The following SUPT3H variants were observed in gnomAD, a reference collection of about 807,000 sequenced individuals.
SUPT3H encodes the protein SPT3 homolog, SAGA and STAGA complex component, also known as transcription initiation protein SPT3 homolog.
Under a neutral mutation model 44.3 loss-of-function variants are expected in SUPT3H, and 44 were observed. The ratio of observed to expected loss-of-function variants is 0.99; its 90% CI spans 0.78 to 1.28. The LOEUF (loss-of-function observed/expected upper bound fraction) is 1.28. Ranked by LOEUF, SUPT3H falls within the 50% of genes most tolerant of loss-of-function variation. The pLI is 0.00. For missense variants in SUPT3H, 380 were observed against 387.1 expected (o/e 0.98, Z 0.15); for synonymous variants, 124 against 125.6 (o/e 0.99, Z 0.09).
At chr6:45,191,398 C>T (rs1425680720) in intron 2 of SUPT3H, among the ~76,000 whole-genome samples, 1 of 151,858 alleles carries the variant, frequency 6.6e-6, no homozygotes, top group Non-Finnish European at 1.5e-5. Context: ...TCAGTGTTTG[C>T]CAGAAATTCA....
chr6:45,217,758 C>T (rs563339147), intron 2 of SUPT3H, among the ~76,000 whole-genome samples: 1 of 151,774 alleles, frequency 6.6e-6, no homozygotes, highest in Admixed American at 6.6e-5. Flanking sequence ...GGCGTGGTGA[C>T]GTGTGCCTGT....
At chr6:44,995,518 G>A (rs1195965022) in intron 6 of SUPT3H, among the ~76,000 whole-genome samples, 1 of 152,030 alleles carries the variant, frequency 6.6e-6, no homozygotes, top group Non-Finnish European at 1.5e-5. Flanking sequence ...CACTTTACGA[G>A]TTTCTAACTG....
intron 6 of SUPT3H, among the ~76,000 whole-genome samples, chr6:44,984,905 G>A (rs1360196): frequency 0.34 from 51,701 of 151,834 alleles, 9,859 homozygotes; most frequent in East Asian, 0.55. Flanking sequence ...ATCAGGTAGA[G>A]GTGCCAAATT....
At chr6:44,889,556 C>T (rs1490898212) in intron 10 of SUPT3H, among the ~76,000 whole-genome samples, 1 of 152,130 alleles carries the variant, frequency 6.6e-6, no homozygotes, top group Non-Finnish European at 1.5e-5. Flanking sequence ...ACTGGCTAGC[C>T]ACATGTAGAA....
At chr6:45,145,912 A>G (rs1805981860) in intron 2 of SUPT3H, among the ~76,000 whole-genome samples, 1 of 152,202 alleles carries the variant, frequency 6.6e-6, no homozygotes, top group Admixed American at 6.5e-5. Context: ...AACATATGAA[A>G]AAATGCTCAA....
At position 45,265,350 on chromosome 6, in the gene SUPT3H, AGTT is replaced by A. The variant is rs1336524896; in HGVS notation, c.101+99848_101+99850del. ...GTATATTTCATTCTTAGTTTTTCTA[AGTT>A]GTTGACAGATGGAGAATGTTTAACT... On this transcript the variant is annotated intron_variant, in intron 2 of 10. Transcript: ENST00000371459. 2.0e-5 allele frequency among the ~76,000 whole-genome samples: 3 copies of A among 152,132 alleles called. No individual in the cohort carries two copies. In the East Asian group the frequency reaches 5.8e-4, roughly 29 times the overall value.
chr6:45,255,837 T>A (rs1244230939), intron 2 of SUPT3H, among the ~76,000 whole-genome samples: 1 of 152,172 alleles, frequency 6.6e-6, no homozygotes, highest in African/African-American at 2.4e-5. Flanking sequence ...TGTGCAACTA[T>A]CACCACAGTC....
chr6:45,148,967 G>T (rs1454279529), intron 2 of SUPT3H, among the ~76,000 whole-genome samples: 1 of 152,124 alleles, frequency 6.6e-6, no homozygotes, highest in Non-Finnish European at 1.5e-5. Flanking sequence ...GCCCAGGCTT[G>T]TAAGTTACAG....
In SUPT3H at chr6:44,953,367, C is replaced by T. The variant is rs762559344; in HGVS notation, c.744G>A (p.Gly248=). ...LVRQDMVTKA[G]DPFSHAISAT... is the part of the protein sequence containing the mutation. The stretch of plus-strand genomic sequence containing the variant: ...CAGAAATGGCATGGCTGAAGGGGTC[C>T]CCTGCCTTGGTTACCATGTCTTGCC... The change falls in exon 9 of 11, where the codon GGG becomes GGA. Residue 248 remains glycine, a synonymous_variant. Transcript: ENST00000371459. 3 of 1,613,966 alleles carry T rather than the reference C, an allele frequency of 1.9e-6. No homozygotes were observed. The highest frequency in any genetic ancestry group is 1.3e-5 in the African/African-American group (1 of 74,994).
chr6:44,882,148 AAAG>A (rs763667034), intron 10 of SUPT3H, among the ~76,000 whole-genome samples: 17 of 152,332 alleles, frequency 1.1e-4, no homozygotes, highest in Non-Finnish European at 2.2e-4. Context: ...CAAGACTAAT[AAAG>A]AATAAAAGAC....
intron 3 of SUPT3H, among the ~76,000 whole-genome samples, chr6:45,041,385 G>C (rs894906543): frequency 3.3e-5 from 5 of 152,128 alleles, no homozygotes; most frequent in Admixed American, 3.3e-4. Context: ...GAGAGTGGTG[G>C]TGAGTAGCTA....
At chr6:44,966,419 A>C (rs1242071200) in intron 6 of SUPT3H, among the ~76,000 whole-genome samples, 2 of 150,280 alleles carry the variant, frequency 1.3e-5, no homozygotes, top group Non-Finnish European at 3.0e-5. Context: ...TAAAATATTT[A>C]TATTTATTTA....
At chr6:45,262,560 A>G (rs954268469) in intron 2 of SUPT3H, among the ~76,000 whole-genome samples, 1 of 152,132 alleles carries the variant, frequency 6.6e-6, no homozygotes, top group Non-Finnish European at 1.5e-5. Flanking sequence ...CAAAAACTCT[A>G]GAAGAAAACC....
At chr6:44,985,481 A>G (rs1380679967) in intron 6 of SUPT3H, among the ~76,000 whole-genome samples, 1 of 152,080 alleles carries the variant, frequency 6.6e-6, no homozygotes, top group Non-Finnish European at 1.5e-5. Flanking sequence ...ACAACATCCT[A>G]AACAAATCCA....
At chr6:45,072,936 A>G (rs1340071295) in intron 3 of SUPT3H, among the ~76,000 whole-genome samples, 1 of 152,114 alleles carries the variant, frequency 6.6e-6, no homozygotes, top group African/African-American at 2.4e-5. Context: ...AAAGTTTAAA[A>G]AAAAAGTACA....
At chr6:45,268,664 A>G (rs1775644900) in intron 2 of SUPT3H, among the ~76,000 whole-genome samples, 1 of 152,198 alleles carries the variant, frequency 6.6e-6, no homozygotes, top group African/African-American at 2.4e-5. Flanking sequence ...TAACTATTCA[A>G]CAAAACTAAA....
intron 10 of SUPT3H, among the ~76,000 whole-genome samples, chr6:44,908,529 C>A (rs1275909518): frequency 6.6e-6 from 1 of 152,116 alleles, no homozygotes; most frequent in Non-Finnish European, 1.5e-5. Context: ...CGCATGAATT[C>A]ATGGAACTTG....
At chr6:44,862,643 A>T (rs1431245470) in intron 10 of SUPT3H, among the ~76,000 whole-genome samples, 2 of 148,660 alleles carry the variant, frequency 1.3e-5, no homozygotes, top group Non-Finnish European at 3.0e-5. Context: ...GCGCCACTGC[A>T]CTCCAGCCTG....
Position 45,334,034 on chromosome 6 carries a change from T to C in SUPT3H, c.101+31167A>G, listed in dbSNP as rs545878567. 8.6e-5 allele frequency among the ~76,000 whole-genome samples: 13 copies of C among 151,428 alleles called. No individual in the cohort carries two copies. The East Asian group carries it at 2.5e-3, about 29-fold the overall frequency. On this transcript the variant is annotated intron_variant, in intron 2 of 10. Coordinates refer to ENST00000371459, the MANE Select transcript of SUPT3H (RefSeq NM_003599.4). ...TGTTAGAAAATTTACCAAGTTAACA[T>C]TATTCCCAGAAATATATCTAAGATT... is the stretch of plus-strand genomic sequence containing the variant.
Sources: gnomAD v4.1 joint callset for allele counts (sites outside exome capture counted in the v4.1 genomes callset) on GRCh38, gnomAD v4.1.1 for gene constraint, MANE v1.5 for transcripts, NCBI Gene and HGNC (gene_info 2026-07-23, HGNC 2026-07-21) for gene names.